Variants in OTUD7A observed in about 807,000 individuals in gnomAD.
OTUD7A encodes OTU domain-containing protein 7A.
OTUD7A carries 12 observed loss-of-function variants against 65.7 expected under a neutral mutation model. The observed-to-expected ratio is 0.18, with a 90% CI of 0.12 to 0.30. The LOEUF (loss-of-function observed/expected upper bound fraction) is 0.30. OTUD7A is among the 10% of genes least tolerant of loss of function. The pLI is 1.00. For missense variants in OTUD7A, 1,148 were observed against 1,304.8 expected (o/e 0.88, Z 1.85); for synonymous variants, 641 against 586.3 (o/e 1.09, Z -1.35).
At chr15:31,675,392 C>A (rs1892575068) in intron 1 of OTUD7A, among the ~76,000 whole-genome samples, 1 of 152,164 alleles carries the variant, frequency 6.6e-6, no homozygotes, top group Admixed American at 6.5e-5. Context: ...CTCTCTGTTA[C>A]TAACAGCCAA....
intron 1 of OTUD7A, among the ~76,000 whole-genome samples, chr15:31,740,702 C>G (rs1472260995): frequency 6.6e-6 from 1 of 152,132 alleles, no homozygotes; most frequent in African/African-American, 2.4e-5. Flanking sequence ...AAATGTGCCA[C>G]TAATTAAATT....
At chr15:31,651,809 C>T (rs1891846183) in intron 3 of OTUD7A, among the ~76,000 whole-genome samples, 1 of 151,970 alleles carries the variant, frequency 6.6e-6, no homozygotes, top group Non-Finnish European at 1.5e-5. Context: ...GATCTACATG[C>T]CAAAAACCAT....
intron 1 of OTUD7A, among the ~76,000 whole-genome samples, chr15:31,714,340 A>G (rs1893527588): frequency 1.3e-5 from 2 of 152,310 alleles, no homozygotes; most frequent in Non-Finnish European, 2.9e-5. Context: ...AGCAAACATT[A>G]TTTCATTCCA....
chr15:31,795,207 C>T (rs1360287158), intron 1 of OTUD7A, among the ~76,000 whole-genome samples: 1 of 152,184 alleles, frequency 6.6e-6, no homozygotes, highest in African/African-American at 2.4e-5. Context: ...GTGAAATGCA[C>T]AGACTTTTAT....
At chr15:31,702,064 T>C (rs1476472282) in intron 1 of OTUD7A, among the ~76,000 whole-genome samples, 1 of 121,818 alleles carries the variant, frequency 8.2e-6, no homozygotes, top group African/African-American at 3.3e-5. Flanking sequence ...ATCACATCAG[T>C]TGATGAAGGA....
At chr15:31,772,884 A>G (rs1895277478) in intron 1 of OTUD7A, among the ~76,000 whole-genome samples, 1 of 152,216 alleles carries the variant, frequency 6.6e-6, no homozygotes, top group Non-Finnish European at 1.5e-5. Flanking sequence ...GCAATGTATT[A>G]AAGAAGTTTG....
At chr15:31,678,349 G>A (rs530663315) in intron 1 of OTUD7A, among the ~76,000 whole-genome samples, 40 of 152,362 alleles carry the variant, frequency 2.6e-4, no homozygotes, top group African/African-American at 9.4e-4. Flanking sequence ...CAAGCTGGCT[G>A]TAGAAATGTA....
At chr15:31,808,133 ACAC>A (rs1896323763) in intron 1 of OTUD7A, among the ~76,000 whole-genome samples, 1 of 114,906 alleles carries the variant, frequency 8.7e-6, no homozygotes, top group Non-Finnish European at 2.0e-5. Context: ...ACACACACAC[ACAC>A]AAACAAATCC....
chr15:31,627,869 T>G (rs1452231478), intron 3 of OTUD7A, among the ~76,000 whole-genome samples: 11 of 152,236 alleles, frequency 7.2e-5, no homozygotes, highest in Admixed American at 6.5e-4. Flanking sequence ...TCATGTGTTT[T>G]TTGGCTGCAT....
chr15:31,498,617 C>T lies in OTUD7A; in HGVS notation c.1171+3073G>A, dbSNP rs1198645730. ...CTGAGCTGGGTGCTGAGAGAATGCC[C>T]AGATCTGGGTTTCACAGAGCTCCCC... is the stretch of plus-strand genomic sequence containing the variant. On this transcript the variant is annotated intron_variant, in intron 10 of 12. Coordinates refer to ENST00000307050, the MANE Select transcript of OTUD7A (RefSeq NM_001382637.1). The surrounding 1 kb of genome is among the most constrained non-coding windows in gnomAD (Gnocchi z 4.2). 6.6e-6 allele frequency among the ~76,000 whole-genome samples: 1 copy of T among 152,090 alleles called. No homozygotes were observed. Among genetic ancestry groups the T allele is most frequent in the Admixed American group, 6.6e-5 (1 of 15,264 alleles).
chr15:31,690,536 G>A lies in OTUD7A; in HGVS notation c.-99-33459C>T, dbSNP rs572938511. ...ATCTATGGTAATCAAAGCATGTGGTGTGGGCATAAAGACAGATTTATAGTC... is the reference window on the plus strand; with the variant it reads ...ATCTATGGTAATCAAAGCATGTGGTATGGGCATAAAGACAGATTTATAGTC... On this transcript the variant is annotated intron_variant, in intron 1 of 12. Transcript: ENST00000307050. Among the ~76,000 whole-genome samples the A allele has an allele frequency of 2.6e-5, 4 of 152,342 alleles. No homozygotes were observed. In the South Asian group the frequency reaches 6.2e-4, roughly 24 times the overall value.
At chr15:31,718,315 C>T (rs112129505) in intron 1 of OTUD7A, among the ~76,000 whole-genome samples, 1 of 152,180 alleles carries the variant, frequency 6.6e-6, no homozygotes, top group Admixed American at 6.5e-5. Context: ...TTTCTGTTTG[C>T]AACAATTAGC....
chr15:31,807,446 C>G (rs181154311), intron 1 of OTUD7A, among the ~76,000 whole-genome samples: 1 of 152,118 alleles, frequency 6.6e-6, no homozygotes, highest in Admixed American at 6.5e-5. Context: ...TTATTAAACT[C>G]GTACATGTTA....
At chr15:31,867,289 G>C (rs989594384) in intron 1 of OTUD7A, among the ~76,000 whole-genome samples, 1 of 152,204 alleles carries the variant, frequency 6.6e-6, no homozygotes, top group South Asian at 2.1e-4. Context: ...GCACAGTAAC[G>C]AAACGTTTTT....
At chr15:31,499,396 C>T (rs753928170) in intron 10 of OTUD7A, among the ~76,000 whole-genome samples, 10 of 152,172 alleles carry the variant, frequency 6.6e-5, no homozygotes, top group Admixed American at 2.0e-4. Flanking sequence ...TGGAGTCTCC[C>T]ATCTCCTGCC....
chr15:31,528,331 G>C (rs2042042261), intron 6 of OTUD7A, among the ~76,000 whole-genome samples: 1 of 152,238 alleles, frequency 6.6e-6, no homozygotes. Flanking sequence ...GCCAGGGACA[G>C]ACCCAGAGGG....
intron 1 of OTUD7A, among the ~76,000 whole-genome samples, chr15:31,861,033 T>C (rs1219555365): frequency 6.6e-6 from 1 of 151,928 alleles, no homozygotes; most frequent in Admixed American, 6.6e-5. Flanking sequence ...ATAAATATTT[T>C]TAAAAGACAC....
intron 1 of OTUD7A, among the ~76,000 whole-genome samples, chr15:31,855,939 A>G (rs750792187): frequency 1.3e-5 from 2 of 152,206 alleles, no homozygotes; most frequent in Non-Finnish European, 2.9e-5. Flanking sequence ...CCACAGGACT[A>G]TAAATTGAGT....
intron 1 of OTUD7A, among the ~76,000 whole-genome samples, chr15:31,661,894 T>G (rs1034890277): frequency 1.3e-5 from 2 of 152,234 alleles, no homozygotes; most frequent in Admixed American, 6.5e-5. Flanking sequence ...TCCGTCTTTT[T>G]CCCTCTGTTT....
Sources: gnomAD v4.1 joint callset for allele counts (sites outside exome capture counted in the v4.1 genomes callset) on GRCh38, gnomAD v4.1.1 for gene constraint, Gnocchi (gnomAD v3.1) non-coding constraint, MANE v1.5 for transcripts, NCBI Gene and HGNC (gene_info 2026-07-23, HGNC 2026-07-21) for gene names.